The following MRPS26 variants were observed in gnomAD, a reference collection of about 807,000 sequenced individuals.
The protein encoded by MRPS26 is small ribosomal subunit protein mS26.
Under a neutral mutation model 22.7 loss-of-function variants are expected in MRPS26, and 26 were observed. That is an observed-to-expected ratio of 1.15 (90% CI 0.84 to 1.59). The LOEUF is 1.59. Among genes scored for constraint, MRPS26 ranks in the 40% most tolerant of loss-of-function variants. The pLI is 0.00. For missense variants in MRPS26, 291 were observed against 287.7 expected (o/e 1.01, Z -0.08); for synonymous variants, 120 against 124.0 (o/e 0.97, Z 0.22).
In MRPS26 at chr20:3,046,102, A is replaced by G; in HGVS notation, c.34A>G (p.Thr12Ala). The change falls in exon 1 of 4, where the codon ACC becomes GCC. Residue 12 changes from threonine (T) to alanine (A), a missense_variant. Coordinates refer to ENST00000380325, the MANE Select transcript of MRPS26 (RefSeq NM_030811.4). Reference protein sequence around the residue: ...LRALSRLGAGTPCRPRAPLVL... With the variant: ...LRALSRLGAGAPCRPRAPLVL... ...CGCGCTGAGCCGCCTGGGCGCGGGG[A>G]CCCCGTGCAGGCCCCGGGCCCCTCT... 1 of 1,551,774 alleles carries G rather than the reference A, an allele frequency of 6.4e-7. No individual in the cohort carries two copies. Among genetic ancestry groups the G allele is most frequent in the Non-Finnish European group, 8.6e-7 (1 of 1,157,440 alleles).
Position 3,046,060 on chromosome 20 carries a change from G to A in MRPS26, c.-9G>A, listed in dbSNP as rs2065985638. 6.7e-7 allele frequency: 1 copy of A among 1,483,856 alleles called. No homozygotes were observed. The highest frequency in any genetic ancestry group is 1.4e-5 in the African/African-American group (1 of 69,104). The allele number at this position is 1,483,856 out of a possible 1,614,324, so 91.9% of individuals were successfully genotyped here. A position where few individuals can be genotyped will look rare whatever the true frequency, so the allele number is the denominator to read the frequency against. On this transcript the variant is annotated 5_prime_UTR_variant, in exon 1 of 4. Coordinates refer to ENST00000380325, the MANE Select transcript of MRPS26 (RefSeq NM_030811.4). ...CCCGGCACCGCGGCCGCAGTGAGGA[G>A]ACTCGGCCATGCTACGCGCGCTGAG...
Position 3,047,928 on chromosome 20 carries a change from GC to G in MRPS26, c.*62del. ...TGTATGTATCATGGCGGAAGAGTTG[GC>G]CCTGACCTGGAATAAAGCAGTTGGT... On this transcript the variant is annotated 3_prime_UTR_variant, in exon 4 of 4. Coordinates refer to ENST00000380325, the MANE Select transcript of MRPS26 (RefSeq NM_030811.4). The G allele has an allele frequency of 6.5e-7, 1 of 1,536,916 alleles. No individual in the cohort carries two copies. Among genetic ancestry groups the G allele is most frequent in the Non-Finnish European group, 8.7e-7 (1 of 1,147,582 alleles).
At chr20:3,047,588 G>A (rs1177163223) in intron 3 of MRPS26, 147 bp from the exon 4 acceptor site, 3 of 1,070,804 alleles carry the variant, frequency 2.8e-6, no homozygotes, top group Non-Finnish European at 4.1e-6. Flanking sequence ...GGCCAGAGGG[G>A]CTCTCAAATA....
intron 3 of MRPS26, among the ~76,000 whole-genome samples, chr20:3,047,368 G>A (rs1000336589): frequency 1.3e-5 from 2 of 151,660 alleles, no homozygotes; most frequent in African/African-American, 2.4e-5. Flanking sequence ...CATCCTGGGC[G>A]ACAGTGAGAC....
chr20:3,047,933 G>T lies in MRPS26; in HGVS notation c.*64G>T. Reference sequence around the variant, plus strand: ...GTATCATGGCGGAAGAGTTGGCCCTGACCTGGAATAAAGCAGTTGGTGTTG... The same window carrying T: ...GTATCATGGCGGAAGAGTTGGCCCTTACCTGGAATAAAGCAGTTGGTGTTG... On this transcript the variant is annotated 3_prime_UTR_variant, in exon 4 of 4. Transcript: ENST00000380325. The T allele has an allele frequency of 6.5e-7, 1 of 1,529,122 alleles. No individual in the cohort carries two copies. Among genetic ancestry groups the T allele is most frequent in the South Asian group, 1.3e-5 (1 of 78,448 alleles). The allele number at this position is 1,529,122 out of a possible 1,614,324, so 94.7% of individuals were successfully genotyped here.
In MRPS26 at chr20:3,046,290, C is replaced by CG. The variant is rs773010804; in HGVS notation, c.212+16dup. 1.7e-5 allele frequency: 27 copies of CG among 1,604,648 alleles called. No individual in the cohort carries two copies. The highest frequency in any genetic ancestry group is 1.9e-5 in the Non-Finnish European group (22 of 1,177,718). On this transcript the variant is annotated intron_variant, in intron 1 of 3. Transcript: ENST00000380325. Reference sequence around the variant, plus strand: ...CCGTGCGCGCCCTCAGGTGTGCGGCCGGGGGGAGGTGGCCGCCCGCGCGCG... The same window carrying CG: ...CCGTGCGCGCCCTCAGGTGTGCGGCCGGGGGGGAGGTGGCCGCCCGCGCGCG...
chr20:3,046,834 C>T (rs2065991595), intron 3 of MRPS26, 97 bp downstream of exon 3: 1 of 1,478,092 alleles, frequency 6.8e-7, no homozygotes, highest in Non-Finnish European at 9.0e-7. Context: ...TGGCTATGTG[C>T]AGAGACTTAC....
rs1432727818 is a variant in MRPS26 at position 3,046,066 on chromosome 20, G to C, written c.-3G>C. 1 of 1,500,122 alleles carries C rather than the reference G, an allele frequency of 6.7e-7. No homozygotes were observed. 92.9% of individuals were successfully genotyped at this position (1,500,122 alleles called of 1,614,324 possible). On this transcript the variant is annotated 5_prime_UTR_variant, in exon 1 of 4. Transcript: ENST00000380325. ...ACCGCGGCCGCAGTGAGGAGACTCGGCCATGCTACGCGCGCTGAGCCGCCT... is the reference window on the plus strand; with the variant it reads ...ACCGCGGCCGCAGTGAGGAGACTCGCCCATGCTACGCGCGCTGAGCCGCCT...
rs1034644062 is a variant in MRPS26 at position 3,048,063 on chromosome 20, G to A, written c.*194G>A. ...AAACGCAGTGCCCTGTTCTGCCGGT[G>A]TGTACAGCCTCAGCGCACCAGGAGA... On this transcript the variant is annotated 3_prime_UTR_variant, in exon 4 of 4. Coordinates refer to ENST00000380325, the MANE Select transcript of MRPS26 (RefSeq NM_030811.4). This position sits in a 1 kb window ranked among gnomAD's most constrained non-coding sequence, Gnocchi z 4.1. 3.3e-6 allele frequency: 2 copies of A among 613,444 alleles called. No homozygotes were observed. Among genetic ancestry groups the A allele is most frequent in the Non-Finnish European group, 5.3e-6 (2 of 378,510 alleles). The allele number at this position is 613,444 out of a possible 1,614,324, so 38.0% of individuals were successfully genotyped here. A position where few individuals can be genotyped will look rare whatever the true frequency, so the allele number is the denominator to read the frequency against.
intron 3 of MRPS26, 58 bp from the exon 4 acceptor site, chr20:3,047,677 T>G: frequency 6.2e-7 from 1 of 1,603,466 alleles, no homozygotes; most frequent in Non-Finnish European, 8.5e-7. Context: ...GCAGGCTGGG[T>G]GGGCTGGCTG....
Position 3,046,370 on chromosome 20 carries a change from CAGGATGGAGT to C in MRPS26, c.213-2_220del. 1 of 1,608,986 alleles carries C rather than the reference CAGGATGGAGT, an allele frequency of 6.2e-7. No individual in the cohort carries two copies. The highest frequency in any genetic ancestry group is 8.5e-7 in the Non-Finnish European group (1 of 1,178,780). ...TGCTGATTCCTGGCGCGTCTGCACCCAGGATGGAGTTCGTGTCCGAGGTGCAGAGGAAGGT... is the reference window on the plus strand; with the variant it reads ...TGCTGATTCCTGGCGCGTCTGCACCCTCGTGTCCGAGGTGCAGAGGAAGGT... On this transcript the variant is annotated splice_acceptor_variant and coding_sequence_variant, in exon 2 of 4. Transcript: ENST00000380325. LOFTEE classifies it high-confidence loss of function.
chr20:3,047,589 C>A, intron 3 of MRPS26, 146 bp from the exon 4 acceptor site: 1 of 1,089,658 alleles, frequency 9.2e-7, no homozygotes, highest in Non-Finnish European at 1.3e-6. Context: ...GCCAGAGGGG[C>A]TCTCAAATAG....
In MRPS26 at chr20:3,048,092, T is replaced by C. The variant is rs115545056; in HGVS notation, c.*223T>C. 2.3e-3 allele frequency: 1,037 copies of C among 454,970 alleles called. 9 individuals are homozygous for C. Among genetic ancestry groups the C allele is most frequent in the African/African-American group, 0.019 (928 of 48,742 alleles). The allele number at this position is 454,970 out of a possible 1,614,324, so 28.2% of individuals were successfully genotyped here. On this transcript the variant is annotated 3_prime_UTR_variant, in exon 4 of 4. Transcript: ENST00000380325. This position sits in a 1 kb window ranked among gnomAD's most constrained non-coding sequence, Gnocchi z 4.1. ...ACAGCCTCAGCGCACCAGGAGACCCTAGAGTGGTTTCCATCTCACAGAGAA... is the reference window on the plus strand; with the variant it reads ...ACAGCCTCAGCGCACCAGGAGACCCCAGAGTGGTTTCCATCTCACAGAGAA...
rs760639840 is a variant in MRPS26, at chr20:3,046,098, G to C, written c.30G>C (p.Ala10=). 3.2e-6 allele frequency: 5 copies of C among 1,545,850 alleles called. No individual in the cohort carries two copies. Among genetic ancestry groups the C allele is most frequent in the Non-Finnish European group, 4.3e-6 (5 of 1,154,406 alleles). Residue 10 remains alanine, a synonymous_variant, in exon 1 of 4, where the codon GCG becomes GCC. Transcript: ENST00000380325. ...TACGCGCGCTGAGCCGCCTGGGCGC[G>C]GGGACCCCGTGCAGGCCCCGGGCCC... is the stretch of plus-strand genomic sequence containing the variant. MLRALSRLG[A]GTPCRPRAPL...
rs41281234 is a variant in MRPS26, at chr20:3,047,800, C to T, written c.549C>T (p.Ser183=). ...LEARVEAALD[S]RKNYNWAITR... is the part of the protein sequence containing the mutation. ...CACGGGTGGAAGCAGCATTGGACTC[C>T]CGGAAGAACTACAACTGGGCCATCA... The change falls in exon 4 of 4, where the codon TCC becomes TCT. Residue 183 remains serine (S), a synonymous_variant. Coordinates refer to ENST00000380325, the MANE Select transcript of MRPS26 (RefSeq NM_030811.4). 0.021 allele frequency: 34,474 copies of T among 1,613,712 alleles called. 509 individuals are homozygous for T. The highest frequency in any genetic ancestry group is 0.026 in the Non-Finnish European group (31,112 of 1,179,822).
Position 3,047,740 on chromosome 20 carries a change from G to A in MRPS26, c.489G>A (p.Glu163=), listed in dbSNP as rs1186804455. ...GGGCTTTTCTCTCCCGATAGGAAGA[G>A]GTGAAAAACTTCATCACCCGAGAGA... is the stretch of plus-strand genomic sequence containing the variant. ...KEREVLQLQE[E]VKNFITRENL... Residue 163 remains glutamate, a synonymous_variant, in exon 4 of 4, where the codon GAG becomes GAA. Transcript: ENST00000380325. 1 of 1,613,738 alleles carries A rather than the reference G, an allele frequency of 6.2e-7. No individual in the cohort carries two copies. Among genetic ancestry groups the A allele is most frequent in the Non-Finnish European group, 8.5e-7 (1 of 1,179,842 alleles).
chr20:3,046,358 C>A lies in MRPS26; in HGVS notation c.213-15C>A. 6.2e-7 allele frequency: 1 copy of A among 1,608,090 alleles called. No homozygotes were observed. The highest frequency in any genetic ancestry group is 8.5e-7 in the Non-Finnish European group (1 of 1,178,420). On this transcript the variant is annotated splice_polypyrimidine_tract_variant and intron_variant, in intron 1 of 3. Coordinates refer to ENST00000380325, the MANE Select transcript of MRPS26 (RefSeq NM_030811.4). ...GGGCGGAGAGGGTGCTGATTCCTGG[C>A]GCGTCTGCACCCAGGATGGAGTTCG... is the stretch of plus-strand genomic sequence containing the variant.
At chr20:3,046,779 C>G in intron 3 of MRPS26, 42 bp downstream of exon 3, 1 of 1,525,414 alleles carries the variant, frequency 6.6e-7, no homozygotes, top group Non-Finnish European at 8.8e-7. Flanking sequence ...GCCGGGGACG[C>G]GGCTTGCGGG....
Position 3,046,691 on chromosome 20 carries a change from T to C in MRPS26, c.437T>C (p.Val146Ala), listed in dbSNP as rs1305243200. The C allele has an allele frequency of 1.6e-5, 25 of 1,545,558 alleles. No homozygotes were observed. Among genetic ancestry groups the C allele is most frequent in the Non-Finnish European group, 5.2e-6 (6 of 1,146,548 alleles). ...GAGCAGGCCCGCAAGGCCGAAGAGG[T>C]GCAGGCCTGGGCGCAGCGCAAGGAG... Reference protein sequence around the residue: ...ALEQARKAEEVQAWAQRKERE... With the variant: ...ALEQARKAEEAQAWAQRKERE... Residue 146 changes from valine (V) to alanine (A), a missense_variant, in exon 3 of 4, where the codon GTG (valine) becomes GCG (alanine). By Grantham distance (64) the Val-to-Ala change is moderately conservative (BLOSUM62 0). Coordinates refer to ENST00000380325, the MANE Select transcript of MRPS26 (RefSeq NM_030811.4).
Sources: allele counts gnomAD v4.1 joint callset (sites outside exome capture counted in the v4.1 genomes callset), GRCh38; gene constraint gnomAD v4.1.1; non-coding constraint Gnocchi (gnomAD v3.1); transcripts MANE v1.5; gene names NCBI Gene and HGNC (gene_info 2026-07-23, HGNC 2026-07-21).